SPR: variants seen among roughly 807,000 people sequenced by gnomAD.
SPR encodes Sepiapterin reductase (L-erythro-7,8-dihydrobiopterin forming).
A neutral mutation model predicts 16.0 loss-of-function variants in SPR; 12 were observed. The ratio of observed to expected loss-of-function variants is 0.75; its 90% CI spans 0.48 to 1.22. SPR has a LOEUF of 1.22. SPR is among the 50% of genes most tolerant of loss of function. The probability of loss-of-function intolerance (pLI) is 0.00; values close to 1 mark genes in which losing one functional copy is unlikely to be tolerated. For missense variants in SPR, 324 were observed against 344.4 expected (o/e 0.94, Z 0.47); for synonymous variants, 177 against 168.5 (o/e 1.05, Z -0.39).
In SPR at chr2:72,888,380, G is replaced by A; in HGVS notation, c.371G>A (p.Trp124Ter). Reference sequence around the variant, plus strand: ...GACTCCACTCAAGTGAACAACTACTGGGCACTGAACTTGACCTCCATGCTC... The same window carrying A: ...GACTCCACTCAAGTGAACAACTACTAGGCACTGAACTTGACCTCCATGCTC... The part of the protein sequence containing the change: ...LSDSTQVNNY[W>*]ALNLTSMLCL... Residue 124 changes from tryptophan (W) to a stop codon, truncating the protein, a stop_gained, in exon 2 of 3, where the codon TGG becomes TAG. Coordinates refer to ENST00000234454, the MANE Select transcript of SPR (RefSeq NM_003124.5). LOFTEE classifies it high-confidence loss of function. 1 of 1,614,148 alleles carries A rather than the reference G, an allele frequency of 6.2e-7. No individual in the cohort carries two copies. The highest frequency in any genetic ancestry group is 8.5e-7 in the Non-Finnish European group (1 of 1,180,024).
At chr2:72,889,517 C>T (rs1208444439) in intron 2 of SPR, among the ~76,000 whole-genome samples, 1 of 152,212 alleles carries the variant, frequency 6.6e-6, no homozygotes, top group East Asian at 1.9e-4. Flanking sequence ...TCCCACCTTG[C>T]TTTCAAGTTC....
chr2:72,891,693 C>G lies in SPR; in HGVS notation c.*156C>G. The G allele has an allele frequency of 2.3e-6, 2 of 864,436 alleles. No individual in the cohort carries two copies. The highest frequency in any genetic ancestry group is 3.7e-6 in the Non-Finnish European group (2 of 540,086). The allele number at this position is 864,436 out of a possible 1,614,324, so 53.5% of individuals were successfully genotyped here. A position where few individuals can be genotyped will look rare whatever the true frequency, so the allele number is the denominator to read the frequency against. On this transcript the variant is annotated 3_prime_UTR_variant, in exon 3 of 3. Coordinates refer to ENST00000234454, the MANE Select transcript of SPR (RefSeq NM_003124.5). ...GCCCTCAGGCACAGCCAGCTGTGAGCTCCCAGGTCATTGGCCTTACCAGTT... is the reference window on the plus strand; with the variant it reads ...GCCCTCAGGCACAGCCAGCTGTGAGGTCCCAGGTCATTGGCCTTACCAGTT...
chr2:72,890,999 G>C (rs1008860343), intron 2 of SPR, among the ~76,000 whole-genome samples: 1 of 152,176 alleles, frequency 6.6e-6, no homozygotes, highest in Non-Finnish European at 1.5e-5. Context: ...TGGGGACGAT[G>C]GGGGAGGGAA....
At chr2:72,890,271 G>GAGTATC (rs772266998) in intron 2 of SPR, among the ~76,000 whole-genome samples, 2 of 152,186 alleles carry the variant, frequency 1.3e-5, no homozygotes, top group Admixed American at 6.5e-5. Flanking sequence ...TGAGTATTAG[G>GAGTATC]CCAGGCTACT....
chr2:72,887,453 T>G lies in SPR; in HGVS notation c.21T>G (p.Arg7=), dbSNP rs1214945086. 1 of 1,505,288 alleles carries G rather than the reference T, an allele frequency of 6.6e-7. No individual in the cohort carries two copies. Among genetic ancestry groups the G allele is most frequent in the Non-Finnish European group, 8.8e-7 (1 of 1,133,034 alleles). The allele number at this position is 1,505,288 out of a possible 1,614,324, so 93.2% of individuals were successfully genotyped here. A position where few individuals can be genotyped will look rare whatever the true frequency, so the allele number is the denominator to read the frequency against. MEGGLG[R]AVCLLTGASR... ...GGAGCATGGAGGGCGGGCTGGGGCG[T>G]GCTGTGTGCTTGCTGACCGGGGCCT... The change falls in exon 1 of 3, where the codon CGT becomes CGG. Residue 7 remains arginine (R), a synonymous_variant. Transcript: ENST00000234454.
In SPR at chr2:72,891,428, A is replaced by G; in HGVS notation, c.677A>G (p.Lys226Arg). 3.7e-6 allele frequency: 6 copies of G among 1,614,274 alleles called. No homozygotes were observed. Among genetic ancestry groups the G allele is most frequent in the Non-Finnish European group, 5.1e-6 (6 of 1,180,040 alleles). Residue 226 changes from lysine to arginine, a missense_variant, in exon 3 of 3, where the codon AAG becomes AGG. Transcript: ENST00000234454. ...ATGCGAAAAGGGCTGCAGGAGCTGA[A>G]GGCAAAGGGGAAGCTGGTGGATTGC... ...PDMRKGLQEL[K>R]AKGKLVDCKV...
rs755370519 is a variant in SPR at position 72,891,516 on chromosome 2, C to T, written c.765C>T (p.His255=). 8.7e-6 allele frequency: 14 copies of T among 1,614,110 alleles called. No individual in the cohort carries two copies. Among genetic ancestry groups the T allele is most frequent in the Admixed American group, 3.3e-5 (2 of 60,012 alleles). The part of the protein sequence containing the change: ...LEKDEFKSGA[H]VDFYDK ...AGGACGAGTTCAAGTCTGGAGCCCA[C>T]GTGGACTTCTATGACAAATAAGCCC... is the stretch of plus-strand genomic sequence containing the variant. The change falls in exon 3 of 3, where the codon CAC becomes CAT. Residue 255 remains histidine, a synonymous_variant. Transcript: ENST00000234454.
Position 72,887,605 on chromosome 2 carries a change from G to T in SPR, c.173G>T (p.Arg58Leu). 1.1e-5 allele frequency: 15 copies of T among 1,420,904 alleles called. No homozygotes were observed. Among genetic ancestry groups the T allele is most frequent in the Non-Finnish European group, 1.3e-5 (14 of 1,097,654 alleles). The allele number at this position is 1,420,904 out of a possible 1,614,324, so 88.0% of individuals were successfully genotyped here. The part of the protein sequence containing the change: ...RQLEAELGAE[R>L]SGLRVVRVPA... The stretch of plus-strand genomic sequence containing the variant: ...CTGGAGGCCGAGCTGGGCGCCGAGC[G>T]GTCTGGCCTGCGCGTGGTGCGGGTG... The change falls in exon 1 of 3, where the codon CGG becomes CTG. Residue 58 changes from arginine to leucine, a missense_variant. Arg to Leu is a moderately radical substitution (Grantham distance 102). Transcript: ENST00000234454.
chr2:72,891,877 G>A lies in SPR; in HGVS notation c.*340G>A. ...GAGGAGGTTGTGTCTCTTGCTCATA[G>A]CAAGCCTGTGGGTAGAGGAAAGAGT... is the stretch of plus-strand genomic sequence containing the variant. On this transcript the variant is annotated 3_prime_UTR_variant, in exon 3 of 3. Transcript: ENST00000234454. The A allele has an allele frequency of 2.8e-6, 1 of 359,892 alleles. No homozygotes were observed. Among genetic ancestry groups the A allele is most frequent in the Non-Finnish European group, 5.3e-6 (1 of 187,640 alleles). The allele number at this position is 359,892 out of a possible 1,614,324, so 22.3% of individuals were successfully genotyped here. A position where few individuals can be genotyped will look rare whatever the true frequency, so the allele number is the denominator to read the frequency against.
chr2:72,890,694 A>T (rs147808665), intron 2 of SPR, among the ~76,000 whole-genome samples: 4 of 152,196 alleles, frequency 2.6e-5, no homozygotes, highest in African/African-American at 9.6e-5. Flanking sequence ...GACTACAGGC[A>T]TGTGCCACCA....
At chr2:72,889,184 C>T (rs1670586134) in intron 2 of SPR, among the ~76,000 whole-genome samples, 1 of 152,186 alleles carries the variant, frequency 6.6e-6, no homozygotes, top group Non-Finnish European at 1.5e-5. Context: ...GAGTGCTGAC[C>T]ATCCCTGGCT....
In SPR at chr2:72,887,419, C is replaced by A. The variant is rs1364554157; in HGVS notation, c.-14C>A. On this transcript the variant is annotated 5_prime_UTR_variant, in exon 1 of 3. Transcript: ENST00000234454. ...TGGTCTCGGGTGCCAGCGCCGCCGG[C>A]GGAGAACAGGAGCATGGAGGGCGGG... 1 of 1,469,358 alleles carries A rather than the reference C, an allele frequency of 6.8e-7. No homozygotes were observed. The highest frequency in any genetic ancestry group is 3.0e-5 in the East Asian group (1 of 33,434). 91.0% of individuals were successfully genotyped at this position (1,469,358 alleles called of 1,614,324 possible).
In SPR at chr2:72,887,512, T is replaced by G; in HGVS notation, c.80T>G (p.Leu27Arg). Residue 27 changes from leucine to arginine, a missense_variant, in exon 1 of 3, where the codon CTG becomes CGG. Coordinates refer to ENST00000234454, the MANE Select transcript of SPR (RefSeq NM_003124.5). ...RGFGRTLAPL[L>R]ASLLSPGSVL... ...TTCGGCCGGACGCTGGCCCCGCTCCTGGCCTCGCTGCTGTCGCCCGGCTCC... is the reference window on the plus strand; with the variant it reads ...TTCGGCCGGACGCTGGCCCCGCTCCGGGCCTCGCTGCTGTCGCCCGGCTCC... The G allele has an allele frequency of 6.7e-7, 1 of 1,489,936 alleles. No homozygotes were observed. The highest frequency in any genetic ancestry group is 8.9e-7 in the Non-Finnish European group (1 of 1,125,940). 92.3% of individuals were successfully genotyped at this position (1,489,936 alleles called of 1,614,324 possible). A position where few individuals can be genotyped will look rare whatever the true frequency, so the allele number is the denominator to read the frequency against.
At chr2:72,888,128 G>C (rs1670569460) in intron 1 of SPR, among the ~76,000 whole-genome samples, 186 bp from the exon 2 acceptor site, 1 of 152,216 alleles carries the variant, frequency 6.6e-6, no homozygotes, top group African/African-American at 2.4e-5. Flanking sequence ...TCTGCAGCTT[G>C]GGATGGCTAG....
chr2:72,887,553 G>C lies in SPR; in HGVS notation c.121G>C (p.Ala41Pro). The C allele has an allele frequency of 6.9e-7, 1 of 1,458,026 alleles. No homozygotes were observed. Among genetic ancestry groups the C allele is most frequent in the Non-Finnish European group, 9.0e-7 (1 of 1,112,962 alleles). 90.3% of individuals were successfully genotyped at this position (1,458,026 alleles called of 1,614,324 possible). ...GCCCGGCTCCGTGCTTGTCCTTAGC[G>C]CCCGCAACGACGAGGCACTGCGCCA... The part of the protein sequence containing the change: ...LSPGSVLVLS[A>P]RNDEALRQLE... The change falls in exon 1 of 3, where the codon GCC (alanine) becomes CCC (proline). Residue 41 changes from alanine (A) to proline (P), a missense_variant. By Grantham distance (27) the Ala-to-Pro change is conservative. Transcript: ENST00000234454.
Position 72,891,389 on chromosome 2 carries a change from C to T in SPR, c.638C>T (p.Ser213Phe). The T allele has an allele frequency of 6.2e-7, 1 of 1,614,210 alleles. No homozygotes were observed. The highest frequency in any genetic ancestry group is 8.5e-7 in the Non-Finnish European group (1 of 1,180,050). ...TDMQQLARET[S>F]VDPDMRKGLQ... Reference sequence around the variant, plus strand: ...ATGCAGCAGTTGGCCCGGGAGACCTCCGTGGACCCAGACATGCGAAAAGGG... The same window carrying T: ...ATGCAGCAGTTGGCCCGGGAGACCTTCGTGGACCCAGACATGCGAAAAGGG... Residue 213 changes from serine (S) to phenylalanine (F), a missense_variant, in exon 3 of 3, where the codon TCC (serine) becomes TTC (phenylalanine). Coordinates refer to ENST00000234454, the MANE Select transcript of SPR (RefSeq NM_003124.5).
In SPR at chr2:72,892,034, T is replaced by C. The variant is rs1670630224; in HGVS notation, c.*497T>C. On this transcript the variant is annotated 3_prime_UTR_variant, in exon 3 of 3. Transcript: ENST00000234454. ...TAGCAGGACCTTCTGTTGAACTTTG[T>C]GTCCTCACTCTGATGTCTCCTTCCT... 1 of 171,284 alleles carries C rather than the reference T, an allele frequency of 5.8e-6. No homozygotes were observed. The highest frequency in any genetic ancestry group is 1.5e-4 in the East Asian group (1 of 6,882). The allele number at this position is 171,284 out of a possible 1,614,324, so 10.6% of individuals were successfully genotyped here.
Position 72,891,989 on chromosome 2 carries a change from T to C in SPR, c.*452T>C, listed in dbSNP as rs1414443915. On this transcript the variant is annotated 3_prime_UTR_variant, in exon 3 of 3. Transcript: ENST00000234454. ...CAGACGGTACATGTCCCAGCCCACA[T>C]AGATGCCCCTTGCTGAGGGTAGCAG... is the stretch of plus-strand genomic sequence containing the variant. The C allele has an allele frequency of 1.0e-5, 2 of 196,698 alleles. No individual in the cohort carries two copies. The highest frequency in any genetic ancestry group is 2.1e-5 in the Non-Finnish European group (2 of 93,390). The allele number at this position is 196,698 out of a possible 1,614,324, so 12.2% of individuals were successfully genotyped here. A position where few individuals can be genotyped will look rare whatever the true frequency, so the allele number is the denominator to read the frequency against.
chr2:72,888,150 G>A (rs1670569689), intron 1 of SPR, among the ~76,000 whole-genome samples, 164 bp from the exon 2 acceptor site: 1 of 152,252 alleles, frequency 6.6e-6, no homozygotes, highest in African/African-American at 2.4e-5. Context: ...TTCCCCAGCT[G>A]TGTCTTTCCG....
Sources: gnomAD v4.1 joint callset for allele counts (sites outside exome capture counted in the v4.1 genomes callset) on GRCh38, gnomAD v4.1.1 for gene constraint, MANE v1.5 for transcripts, NCBI Gene and HGNC (gene_info 2026-07-23, HGNC 2026-07-21) for gene names.